Variants in GPC5 observed in about 807,000 individuals in gnomAD.
GPC5 encodes glypican 5.
A neutral mutation model predicts 53.9 loss-of-function variants in GPC5; 47 were observed. The observed-to-expected ratio is 0.87, with a 90% confidence interval of 0.69 to 1.11. The LOEUF (loss-of-function observed/expected upper bound fraction) is 1.11, where lower values mean the gene tolerates loss of function less well. Ranked by LOEUF, GPC5 falls within the 50% of genes most tolerant of loss-of-function variation. The pLI, the probability that GPC5 is intolerant of heterozygous loss-of-function variation, is 0.00. For synonymous variants in GPC5, 286 were observed against 263.3 expected (o/e 1.09, Z -0.84); for missense variants, 748 against 713.1 (o/e 1.05, Z -0.56).
chr13:91,840,725 A>G (rs1250850025), intron 5 of GPC5, among the ~76,000 whole-genome samples: 1 of 151,374 alleles, frequency 6.6e-6, no homozygotes, highest in East Asian at 1.9e-4. Flanking sequence ...CTAGCACACA[A>G]TGACATAAGT....
At chr13:92,781,655 CTG>C (rs1369448672) in intron 7 of GPC5, among the ~76,000 whole-genome samples, 1 of 152,096 alleles carries the variant, frequency 6.6e-6, no homozygotes, top group Non-Finnish European at 1.5e-5. Flanking sequence ...ATTTATCAGT[CTG>C]TGTGTTAAAT....
intron 7 of GPC5, among the ~76,000 whole-genome samples, chr13:92,822,364 G>T (rs1031145460): frequency 2.0e-5 from 3 of 151,604 alleles, no homozygotes; most frequent in African/African-American, 7.3e-5. Context: ...CCTCACAATA[G>T]CTCTCTCTCT....
At position 91,642,712 on chromosome 13, in the gene GPC5, G is replaced by A. The variant is rs559648870; in HGVS notation, c.326-50475G>A. Among the ~76,000 whole-genome samples the A allele has an allele frequency of 8.9e-3, 453 of 50,814 alleles. 7 individuals carry two copies. Among genetic ancestry groups the A allele is most frequent in the African/African-American group, 0.04 (429 of 10,850 alleles). The allele number at this position is 50,814 out of a possible 152,430, so 33.3% of individuals were successfully genotyped here. On this transcript the variant is annotated intron_variant, in intron 2 of 7. Coordinates refer to ENST00000377067, the MANE Select transcript of GPC5 (RefSeq NM_004466.6). The stretch of plus-strand genomic sequence containing the variant: ...GAAAGGATGTCAAGTTTAAGGAAGA[G>A]CTTTTTTTTTTTTTTTAAGTAAATG...
intron 7 of GPC5, among the ~76,000 whole-genome samples, chr13:92,565,922 C>T (rs945615449): frequency 4.2e-4 from 64 of 151,840 alleles, no homozygotes; most frequent in Non-Finnish European, 1.3e-4. Context: ...CCTAATTTGA[C>T]GTGAACTTTT....
At chr13:91,995,141 T>A (rs1007732010) in intron 6 of GPC5, 9 of 151,766 alleles carry the variant, frequency 5.9e-5, no homozygotes, top group African/African-American at 2.2e-4. Flanking sequence ...CCAGCTAATT[T>A]TTTTGTATTT....
intron 7 of GPC5, among the ~76,000 whole-genome samples, chr13:92,255,857 A>T (rs866809087): frequency 9.9e-5 from 15 of 152,128 alleles, no homozygotes; most frequent in Middle Eastern, 3.4e-3. Flanking sequence ...TATTCCAAGG[A>T]TTTTCACAGA....
chr13:92,364,214 C>T (rs2043590411), intron 7 of GPC5, among the ~76,000 whole-genome samples: 1 of 151,754 alleles, frequency 6.6e-6, no homozygotes, highest in East Asian at 1.9e-4. Context: ...ATCTTTTGCT[C>T]TCCAGTGAGG....
intron 7 of GPC5, among the ~76,000 whole-genome samples, chr13:92,218,864 A>T (rs781146541): frequency 1.3e-5 from 2 of 152,176 alleles, no homozygotes; most frequent in Non-Finnish European, 2.9e-5. Flanking sequence ...ACCTCTCAGG[A>T]ACACTAAAGC....
intron 6 of GPC5, among the ~76,000 whole-genome samples, chr13:91,950,217 C>T (rs948941415): frequency 6.6e-6 from 1 of 151,748 alleles, no homozygotes; most frequent in African/African-American, 2.4e-5. Context: ...CCTTATTTCT[C>T]CTCACACCAA....
At chr13:92,737,922 A>T (rs905121477) in intron 7 of GPC5, among the ~76,000 whole-genome samples, 2 of 151,332 alleles carry the variant, frequency 1.3e-5, no homozygotes, top group African/African-American at 4.9e-5. Context: ...ATGTGTCACC[A>T]TGCCTGCCTA....
chr13:91,509,420 T>TTTTTTTTTTTTTTTTTTTTTTTTGAG (rs1555316907), intron 2 of GPC5, among the ~76,000 whole-genome samples: 3 of 146,040 alleles, frequency 2.1e-5, no homozygotes, highest in African/African-American at 7.3e-5. Flanking sequence ...ATTCATATTT[T>TTTTTTTTTTTTTTTTTTTTTTTTGAG]AAGGATCAAA....
intron 1 of GPC5, among the ~76,000 whole-genome samples, chr13:91,431,967 G>A (rs1005768711): frequency 2.0e-5 from 3 of 152,194 alleles, no homozygotes; most frequent in Admixed American, 6.5e-5. Flanking sequence ...TTAATTTCAT[G>A]TGCCAGATGG....
intron 6 of GPC5, among the ~76,000 whole-genome samples, chr13:91,993,675 T>C (rs2040477968): frequency 6.6e-6 from 1 of 152,164 alleles, no homozygotes; most frequent in Admixed American, 6.6e-5. Context: ...CAATGAACAT[T>C]TTTTTCATGA....
chr13:92,674,562 CTCTTCTTGAAGCAGGAGCTTCATGAAG>C, intron 7 of GPC5, among the ~76,000 whole-genome samples: 2 of 18,846 alleles, frequency 1.1e-4, no homozygotes, highest in African/African-American at 2.6e-4. Context: ...CTTCATGAAG[CTCTTCTTGAAGCAGGAGCTTCATGAAG>C]CTCTTCTTGA....
At chr13:92,531,874 C>T (rs997894345) in intron 7 of GPC5, among the ~76,000 whole-genome samples, 3 of 152,170 alleles carry the variant, frequency 2.0e-5, no homozygotes, top group African/African-American at 7.2e-5. Context: ...GTTATCATTT[C>T]ACACAGTCCA....
chr13:91,446,131 A>G (rs367780467), intron 1 of GPC5, among the ~76,000 whole-genome samples: 1 of 152,106 alleles, frequency 6.6e-6, no homozygotes, highest in South Asian at 2.1e-4. Flanking sequence ...TTCTAGTTCC[A>G]TCTGGTTTTA....
chr13:91,647,064 T>C (rs533424245), intron 2 of GPC5, among the ~76,000 whole-genome samples: 289 of 132,752 alleles, frequency 2.2e-3, no homozygotes, highest in Non-Finnish European at 3.4e-3. Flanking sequence ...GGATAATATA[T>C]ATATGCGTGT....
chr13:91,501,206 ACTT>A (rs1183523060), intron 2 of GPC5, among the ~76,000 whole-genome samples: 2 of 149,132 alleles, frequency 1.3e-5, no homozygotes, highest in East Asian at 3.9e-4. Flanking sequence ...CGTAACAGCA[ACTT>A]CTTGCAGGAA....
intron 7 of GPC5, among the ~76,000 whole-genome samples, chr13:92,355,993 CCCT>C (rs2043518569): frequency 1.3e-5 from 2 of 151,396 alleles, no homozygotes; most frequent in Non-Finnish European, 2.9e-5. Flanking sequence ...ACTCCTTTGA[CCCT>C]CTTTCCCATC....
Sources: gnomAD v4.1 joint callset for allele counts (sites outside exome capture counted in the v4.1 genomes callset) on GRCh38, gnomAD v4.1.1 for gene constraint, MANE v1.5 for transcripts, NCBI Gene and HGNC (gene_info 2026-07-23, HGNC 2026-07-21) for gene names.